The following LDB2 variants were observed in gnomAD, a reference collection of about 807,000 sequenced individuals.
LDB2 encodes LIM domain binding 2, also known as LIM domain-binding protein 2.
Under a neutral mutation model 44.3 loss-of-function variants are expected in LDB2, and 12 were observed. That is an observed-to-expected ratio of 0.27 (90% CI 0.17 to 0.44). The LOEUF (loss-of-function observed/expected upper bound fraction) is 0.44. LDB2 is among the 20% of genes least tolerant of loss of function. The pLI is 1.00. For missense variants in LDB2, 344 were observed against 473.5 expected (o/e 0.73, Z 2.54); for synonymous variants, 164 against 174.8 (o/e 0.94, Z 0.49).
At chr4:16,890,551 G>T (rs1270326767) in intron 1 of LDB2, among the ~76,000 whole-genome samples, 2 of 152,142 alleles carry the variant, frequency 1.3e-5, no homozygotes, top group African/African-American at 4.8e-5. Context: ...TGAGAGAAGG[G>T]TGTGGCTACC....
chr4:16,608,196 C>A (rs1724470448), intron 2 of LDB2, among the ~76,000 whole-genome samples: 1 of 122,132 alleles, frequency 8.2e-6, no homozygotes. Context: ...TACAGAAAAT[C>A]ACACTTCTTC....
At chr4:16,566,414 A>T (rs11735029) in intron 5 of LDB2, among the ~76,000 whole-genome samples, 42,661 of 152,054 alleles carry the variant, frequency 0.28, 7,281 homozygotes, top group Non-Finnish European at 0.39. Context: ...TATGCTAAAA[A>T]TAATATTTCA....
chr4:16,517,253 C>T (rs1724096721), intron 5 of LDB2, among the ~76,000 whole-genome samples: 1 of 152,082 alleles, frequency 6.6e-6, no homozygotes, highest in African/African-American at 2.4e-5. Flanking sequence ...TCTATAGCCC[C>T]ATCCATCGAC....
chr4:16,541,924 A>T lies in LDB2; in HGVS notation c.616-29820T>A, dbSNP rs1479961360. Among the ~76,000 whole-genome samples the T allele has an allele frequency of 2.0e-5, 3 of 152,126 alleles. 1 individual carries two copies. Among genetic ancestry groups the T allele is most frequent in the Admixed American group, 1.3e-4 (2 of 15,278 alleles). On this transcript the variant is annotated intron_variant, in intron 5 of 7. Transcript: ENST00000304523. ...TAGAGGAATGAAAATGCACCTAGTT[A>T]GGTTTGCTGTACATGGTTTTTTCCC...
chr4:16,813,094 G>A (rs1476107868), intron 1 of LDB2, among the ~76,000 whole-genome samples: 1 of 151,918 alleles, frequency 6.6e-6, no homozygotes, highest in Non-Finnish European at 1.5e-5. Flanking sequence ...CCCTTGCCAG[G>A]TTTAAGCAAT....
Position 16,615,036 on chromosome 4 carries a change from C to T in LDB2, c.236-19161G>A, listed in dbSNP as rs552936260. 1.2e-3 allele frequency among the ~76,000 whole-genome samples: 161 copies of T among 138,260 alleles called. 1 individual carries two copies. Among genetic ancestry groups the T allele is most frequent in the African/African-American group, 4.3e-3 (160 of 36,866 alleles). The allele number at this position is 138,260 out of a possible 152,430, so 90.7% of individuals were successfully genotyped here. A position where few individuals can be genotyped will look rare whatever the true frequency, so the allele number is the denominator to read the frequency against. ...AGTGAGCCGAGATCCCGCCACTGCACTCCAGCCTGGGCGACAGAGCGAGAC... is the reference window on the plus strand; with the variant it reads ...AGTGAGCCGAGATCCCGCCACTGCATTCCAGCCTGGGCGACAGAGCGAGAC... On this transcript the variant is annotated intron_variant, in intron 2 of 7. Coordinates refer to ENST00000304523, the MANE Select transcript of LDB2 (RefSeq NM_001290.5).
At chr4:16,774,821 G>C (rs528427576) in intron 1 of LDB2, among the ~76,000 whole-genome samples, 1 of 152,112 alleles carries the variant, frequency 6.6e-6, no homozygotes, top group African/African-American at 2.4e-5. Flanking sequence ...GTAATAAAAG[G>C]TTACATACAT....
intron 1 of LDB2, among the ~76,000 whole-genome samples, chr4:16,877,696 G>T (rs1344882253): frequency 3.3e-5 from 5 of 152,196 alleles, no homozygotes; most frequent in Non-Finnish European, 7.3e-5. Context: ...CATTTTAAGT[G>T]ATGTCATCAA....
intron 1 of LDB2, among the ~76,000 whole-genome samples, chr4:16,764,969 C>T (rs1768872607): frequency 3.9e-5 from 6 of 152,322 alleles, no homozygotes; most frequent in Middle Eastern, 6.8e-3. Flanking sequence ...AATCATCACA[C>T]GTTAAACTAA....
intron 5 of LDB2, among the ~76,000 whole-genome samples, chr4:16,566,678 A>G (rs896150837): frequency 6.6e-6 from 1 of 152,154 alleles, no homozygotes; most frequent in African/African-American, 2.4e-5. Flanking sequence ...ATCTCACACA[A>G]ACAAAAACAA....
Position 16,585,915 on chromosome 4 carries a change from A to T in LDB2, c.615+7T>A, listed in dbSNP as rs772244518. On this transcript the variant is annotated splice_region_variant and intron_variant, in intron 5 of 7. Coordinates refer to ENST00000304523, the MANE Select transcript of LDB2 (RefSeq NM_001290.5). ...ACCAAAAAATAAAATCATTCGATTGATCTTACCCTGAGGTAGTTGAGGGTG... is the reference window on the plus strand; with the variant it reads ...ACCAAAAAATAAAATCATTCGATTGTTCTTACCCTGAGGTAGTTGAGGGTG... 2 of 1,608,464 alleles carry T rather than the reference A, an allele frequency of 1.2e-6. No homozygotes were observed. The highest frequency in any genetic ancestry group is 1.7e-6 in the Non-Finnish European group (2 of 1,174,986).
At chr4:16,594,890 C>T (rs778972590) in intron 3 of LDB2, among the ~76,000 whole-genome samples, 4 of 152,148 alleles carry the variant, frequency 2.6e-5, no homozygotes, top group African/African-American at 4.8e-5. Flanking sequence ...TTAAAATAAA[C>T]TTCTGTTTGT....
chr4:16,502,422 C>A lies in LDB2; in HGVS notation c.*221G>T. On this transcript the variant is annotated 3_prime_UTR_variant, in exon 8 of 8. Transcript: ENST00000304523. ...ACAATCAGTGCCAGTATCTGTATTA[C>A]CTGTGAAGGCCTCCAAGAAAGGGTC... 3.4e-6 allele frequency: 2 copies of A among 591,576 alleles called. No homozygotes were observed. The highest frequency in any genetic ancestry group is 1.9e-5 in the African/African-American group (1 of 53,750). 36.6% of individuals were successfully genotyped at this position (591,576 alleles called of 1,614,324 possible). A position where few individuals can be genotyped will look rare whatever the true frequency, so the allele number is the denominator to read the frequency against.
chr4:16,588,960 G>C (rs1221087173), intron 3 of LDB2, 128 bp from the exon 4 acceptor site: 1 of 920,020 alleles, frequency 1.1e-6, no homozygotes, highest in African/African-American at 1.6e-5. Context: ...GTAAAGATGT[G>C]ACACGAGTGA....
intron 2 of LDB2, among the ~76,000 whole-genome samples, chr4:16,627,187 A>T (rs1228380799): frequency 6.6e-6 from 1 of 152,160 alleles, no homozygotes; most frequent in Non-Finnish European, 1.5e-5. Flanking sequence ...CTTCAGTGTC[A>T]TCCCCACCCC....
intron 5 of LDB2, among the ~76,000 whole-genome samples, chr4:16,513,755 T>A (rs1192248653): frequency 6.6e-6 from 1 of 152,046 alleles, no homozygotes; most frequent in Non-Finnish European, 1.5e-5. Context: ...TAAAGCAAAG[T>A]TTGTCTTTTA....
intron 2 of LDB2, among the ~76,000 whole-genome samples, chr4:16,671,191 A>T (rs6449264): frequency 6.6e-6 from 1 of 151,892 alleles, no homozygotes; most frequent in African/African-American, 2.4e-5. Context: ...AAGTGGGGGG[A>T]TATTAAAATC....
At chr4:16,633,047 T>C (rs184421140) in intron 2 of LDB2, among the ~76,000 whole-genome samples, 1 of 152,250 alleles carries the variant, frequency 6.6e-6, no homozygotes, top group Admixed American at 6.5e-5. Context: ...CAAATGTCCA[T>C]CAATGATAGA....
chr4:16,581,973 AGGAAGGAAGGGAAGGAAG>A (rs748946951), intron 5 of LDB2, among the ~76,000 whole-genome samples: 8 of 141,220 alleles, frequency 5.7e-5, no homozygotes. Flanking sequence ...GAAAGAAGGA[AGGAAGGAAGGGAAGGAAG>A]GGAAGGAAGG....
Sources: allele counts gnomAD v4.1 joint callset (sites outside exome capture counted in the v4.1 genomes callset), GRCh38; gene constraint gnomAD v4.1.1; transcripts MANE v1.5; gene names NCBI Gene and HGNC (gene_info 2026-07-23, HGNC 2026-07-21).